The following SKAP2 variants were observed in gnomAD, a reference collection of about 807,000 sequenced individuals.
The protein encoded by SKAP2 is src kinase-associated phosphoprotein 2.
Under a neutral mutation model 54.9 loss-of-function variants are expected in SKAP2, and 28 were observed. The ratio of observed to expected loss-of-function variants is 0.51; its 90% CI spans 0.38 to 0.70. SKAP2 has a LOEUF of 0.70. SKAP2 is among the 30% of genes least tolerant of loss of function. The pLI is 0.00. For missense variants in SKAP2, 356 were observed against 424.1 expected, an observed-to-expected ratio of 0.84 and a Z score of 1.41; for synonymous variants, 137 against 134.3, an observed-to-expected ratio of 1.02 and a Z score of -0.14.
chr7:26,721,929 A>G (rs1437208500), intron 9 of SKAP2, among the ~76,000 whole-genome samples: 1 of 152,226 alleles, frequency 6.6e-6, no homozygotes, highest in Non-Finnish European at 1.5e-5. Context: ...TGAAAAAGTG[A>G]GCAATAAATT....
chr7:26,765,526 G>A (rs1384271639), intron 4 of SKAP2, among the ~76,000 whole-genome samples: 2 of 152,134 alleles, frequency 1.3e-5, no homozygotes, highest in South Asian at 2.1e-4. Flanking sequence ...TGATGTTTAA[G>A]TCATAAAGTC....
At chr7:26,810,666 T>A (rs888161665) in intron 4 of SKAP2, among the ~76,000 whole-genome samples, 9 of 152,144 alleles carry the variant, frequency 5.9e-5, no homozygotes, top group African/African-American at 2.2e-4. Flanking sequence ...GTGTACCATA[T>A]ATATATATAC....
chr7:26,766,977 C>A (rs1009931015), intron 4 of SKAP2, among the ~76,000 whole-genome samples: 4 of 152,138 alleles, frequency 2.6e-5, no homozygotes, highest in Admixed American at 6.5e-5. Flanking sequence ...ATGATGCTGG[C>A]CTCATAAAAT....
At chr7:26,828,634 G>C (rs949309739) in intron 4 of SKAP2, among the ~76,000 whole-genome samples, 1 of 149,314 alleles carries the variant, frequency 6.7e-6, no homozygotes, top group African/African-American at 2.5e-5. Flanking sequence ...CCAAGATTGA[G>C]CCACTGCACT....
chr7:26,750,058 C>T (rs1027786552), intron 4 of SKAP2, among the ~76,000 whole-genome samples: 2 of 151,848 alleles, frequency 1.3e-5, no homozygotes, highest in South Asian at 4.1e-4. Context: ...AGATAACACA[C>T]AATAAGTGGA....
chr7:26,723,155 A>G (rs1344329292), intron 9 of SKAP2, among the ~76,000 whole-genome samples: 1 of 152,220 alleles, frequency 6.6e-6, no homozygotes, highest in African/African-American at 2.4e-5. Context: ...AAGAGAGACA[A>G]TTGTTTTAAT....
chr7:26,861,249 T>C (rs1477076432), intron 1 of SKAP2, among the ~76,000 whole-genome samples: 2 of 151,824 alleles, frequency 1.3e-5, no homozygotes, highest in Non-Finnish European at 2.9e-5. Context: ...AAAAATCACA[T>C]AAATCAAGAT....
At chr7:26,679,947 T>C (rs1786449717) in intron 11 of SKAP2, among the ~76,000 whole-genome samples, 1 of 152,236 alleles carries the variant, frequency 6.6e-6, no homozygotes, top group South Asian at 2.1e-4. Context: ...TTTATATTGG[T>C]GACCACAGTC....
At chr7:26,766,103 G>C (rs1384877171) in intron 4 of SKAP2, among the ~76,000 whole-genome samples, 1 of 152,146 alleles carries the variant, frequency 6.6e-6, no homozygotes, top group Non-Finnish European at 1.5e-5. Context: ...CTATCCATGA[G>C]CATGGAATGT....
intron 9 of SKAP2, among the ~76,000 whole-genome samples, chr7:26,697,792 C>G (rs1248804669): frequency 6.6e-6 from 1 of 152,126 alleles, no homozygotes; most frequent in Admixed American, 6.5e-5. Flanking sequence ...TTAACACCTT[C>G]TTCTAGGCTA....
intron 3 of SKAP2, among the ~76,000 whole-genome samples, chr7:26,848,826 A>G (rs1355409538): frequency 3.3e-5 from 5 of 152,218 alleles, no homozygotes; most frequent in Non-Finnish European, 7.3e-5. Context: ...ATCTAGGTCA[A>G]TGAAAGGAAG....
chr7:26,808,178 T>G (rs1191720621), intron 4 of SKAP2, among the ~76,000 whole-genome samples: 1 of 152,166 alleles, frequency 6.6e-6, no homozygotes, highest in African/African-American at 2.4e-5. Context: ...GTGTAGGCTC[T>G]GCAGTATTCA....
intron 4 of SKAP2, among the ~76,000 whole-genome samples, chr7:26,749,764 A>AATAATG: frequency 6.7e-6 from 1 of 148,626 alleles, no homozygotes; most frequent in Non-Finnish European, 1.5e-5. Flanking sequence ...TAATAATAAT[A>AATAATG]ATAATAATAA....
At chr7:26,838,082 G>A (rs1784751019) in intron 4 of SKAP2, among the ~76,000 whole-genome samples, 1 of 152,082 alleles carries the variant, frequency 6.6e-6, no homozygotes, top group Admixed American at 6.6e-5. Flanking sequence ...AATAAGTAAT[G>A]TAGCAAAGCA....
chr7:26,817,277 A>C (rs1054545169), intron 4 of SKAP2, among the ~76,000 whole-genome samples: 2 of 152,118 alleles, frequency 1.3e-5, no homozygotes, highest in African/African-American at 4.8e-5. Flanking sequence ...ATATCCATCA[A>C]GATTTATAAA....
intron 4 of SKAP2, among the ~76,000 whole-genome samples, chr7:26,839,220 T>A (rs1784771421): frequency 6.6e-6 from 1 of 152,122 alleles, no homozygotes; most frequent in Admixed American, 6.6e-5. Context: ...ATATTTTACA[T>A]CTGTGTACTT....
intron 4 of SKAP2, among the ~76,000 whole-genome samples, chr7:26,779,462 T>C (rs548421533): frequency 9.9e-5 from 15 of 152,136 alleles, no homozygotes; most frequent in African/African-American, 3.4e-4. Flanking sequence ...AAATGCAACT[T>C]TGTTCGTTGA....
rs546648921 is a variant in SKAP2, at chr7:26,826,148, A to G, written c.307+17882T>C. Among the ~76,000 whole-genome samples the G allele has an allele frequency of 2.9e-5, 4 of 137,792 alleles. No individual in the cohort carries two copies. In the South Asian group the frequency reaches 7.0e-4, roughly 24 times the overall value. The allele number at this position is 137,792 out of a possible 152,430, so 90.4% of individuals were successfully genotyped here. On this transcript the variant is annotated intron_variant, in intron 4 of 12. Coordinates refer to ENST00000345317, the MANE Select transcript of SKAP2 (RefSeq NM_003930.5). The stretch of plus-strand genomic sequence containing the variant: ...ACACACACACACACACACACGCCAC[A>G]GTGATTGATTTAGAATAAGCACATA...
chr7:26,744,693 C>T (rs937397014), intron 4 of SKAP2, among the ~76,000 whole-genome samples: 1 of 151,956 alleles, frequency 6.6e-6, no homozygotes, highest in East Asian at 1.9e-4. Context: ...TCTTCCCTAA[C>T]ATTGATGTGT....
Sources: allele counts gnomAD v4.1 joint callset (sites outside exome capture counted in the v4.1 genomes callset), GRCh38; gene constraint gnomAD v4.1.1; transcripts MANE v1.5; gene names NCBI Gene and HGNC (gene_info 2026-07-23, HGNC 2026-07-21).